INSL6: variants seen among roughly 807,000 people sequenced by gnomAD.
The protein encoded by INSL6 is insulin-like peptide INSL6.
Under a neutral mutation model 9.4 loss-of-function variants are expected in INSL6, and 16 were observed. That is an observed-to-expected ratio of 1.70 (90% CI 1.15 to 2.59). The LOEUF is 2.59. INSL6 is among the 30% of genes most tolerant of loss of function. INSL6 has a pLI of 0.00. For synonymous variants in INSL6, 154 were observed against 96.9 expected (o/e 1.59, Z -3.46); for missense variants, 391 against 257.3 (o/e 1.52, Z -3.56).
At chr9:5,054,743 C>T in the INSL6 span, 1 of 1,613,300 alleles carries the variant, frequency 6.2e-7, no homozygotes. The surrounding 1 kb of genome is among the most constrained non-coding windows in gnomAD (Gnocchi z 4.9). Flanking sequence ...AGTCTGCCTT[C>T]TACACAGAGA....
chr9:5,163,901 A>G lies in INSL6; in HGVS notation c.*12T>C. ...TTAAGCTTTTATTAGGTTAGAAAAA[A>G]TTCTAAGATGGTTAGTATATCTTAG... On this transcript the variant is annotated 3_prime_UTR_variant, in exon 2 of 2. Coordinates refer to ENST00000381641, the MANE Select transcript of INSL6 (RefSeq NM_007179.3). The G allele has an allele frequency of 2.0e-6, 3 of 1,531,348 alleles. No individual in the cohort carries two copies. The highest frequency in any genetic ancestry group is 4.5e-5 in the East Asian group (2 of 44,458). The allele number at this position is 1,531,348 out of a possible 1,614,324, so 94.9% of individuals were successfully genotyped here. A position where few individuals can be genotyped will look rare whatever the true frequency, so the allele number is the denominator to read the frequency against.
chr9:5,148,155 G>A (rs1200862052), intron 2 of INSL6, among the ~76,000 whole-genome samples: 1 of 152,140 alleles, frequency 6.6e-6, no homozygotes, highest in Admixed American at 6.5e-5. Context: ...TTTCTCATCT[G>A]GGAGAGCTGG....
the INSL6 span, among the ~76,000 whole-genome samples, chr9:5,063,112 G>T: frequency 6.6e-6 from 1 of 151,762 alleles, no homozygotes; most frequent in African/African-American, 2.4e-5. Context: ...TATAATTTTT[G>T]GTTGAGGACT....
the INSL6 span, among the ~76,000 whole-genome samples, chr9:5,083,933 G>T: frequency 6.6e-6 from 1 of 151,846 alleles, no homozygotes; most frequent in Admixed American, 6.6e-5. Flanking sequence ...TCTATATCTT[G>T]CTATTTTTCA....
intron 1 of INSL6, among the ~76,000 whole-genome samples, chr9:5,168,702 C>T (rs1368585821): frequency 6.6e-6 from 1 of 151,982 alleles, no homozygotes; most frequent in African/African-American, 2.4e-5. Context: ...GCAAGACAGG[C>T]CAAAATTCAA....
At position 5,137,519 on chromosome 9, in the gene INSL6, G is replaced by C. The variant is rs564445812; in HGVS notation, c.377-3927C>G. On this transcript the variant is annotated intron_variant, in intron 2 of 3. Transcript: ENST00000649639. ...AACCCTATTTAATATATGGTGGTGGGAAAATTGGCTAGCCATATGCAGAAA... is the reference window on the plus strand; with the variant it reads ...AACCCTATTTAATATATGGTGGTGGCAAAATTGGCTAGCCATATGCAGAAA... 5.3e-5 allele frequency among the ~76,000 whole-genome samples: 8 copies of C among 151,150 alleles called. No individual in the cohort carries two copies. In the South Asian group the frequency reaches 8.4e-4, roughly 16 times the overall value.
the INSL6 span, among the ~76,000 whole-genome samples, chr9:5,057,189 CATG>C: frequency 1.5e-4 from 23 of 151,882 alleles, no homozygotes; most frequent in Admixed American, 9.2e-4. Flanking sequence ...GAATTTTATT[CATG>C]ATATGTTATG....
At chr9:5,136,443 C>G (rs1824388059) in intron 2 of INSL6, among the ~76,000 whole-genome samples, 1 of 152,140 alleles carries the variant, frequency 6.6e-6, no homozygotes, top group Non-Finnish European at 1.5e-5. Flanking sequence ...GGCTTCATTC[C>G]TAGGATGCAA....
At chr9:5,121,644 A>T (rs1197221927), downstream of INSL6, among the ~76,000 whole-genome samples, 1 of 152,174 alleles carries the variant, frequency 6.6e-6, no homozygotes, top group Non-Finnish European at 1.5e-5. Context: ...AGAGGCTTTG[A>T]AGCAAGAGAT....
the INSL6 span, among the ~76,000 whole-genome samples, chr9:5,104,357 A>G: frequency 2.0e-5 from 3 of 152,222 alleles, no homozygotes; most frequent in Non-Finnish European, 4.4e-5. Context: ...TCCCAAGACT[A>G]AACCAGGAAG....
intron 2 of INSL6, among the ~76,000 whole-genome samples, chr9:5,147,324 G>A (rs1246619644): frequency 2.0e-5 from 3 of 152,132 alleles, no homozygotes; most frequent in South Asian, 2.1e-4. Flanking sequence ...CCTCTCCTTG[G>A]GTCGACTGCA....
At chr9:5,144,925 G>A (rs1207746369) in intron 2 of INSL6, among the ~76,000 whole-genome samples, 1 of 152,116 alleles carries the variant, frequency 6.6e-6, no homozygotes, top group East Asian at 1.9e-4. Context: ...TATCCAGCTT[G>A]CCACTCTGTG....
At chr9:5,098,246 A>G in the INSL6 span, 1 of 152,226 alleles carries the variant, frequency 6.6e-6, no homozygotes, top group Non-Finnish European at 1.5e-5. Context: ...TTTCAAGCCA[A>G]TCAAAAACCT....
At chr9:5,135,907 A>G (rs1408392366) in intron 2 of INSL6, among the ~76,000 whole-genome samples, 1 of 152,176 alleles carries the variant, frequency 6.6e-6, no homozygotes, top group East Asian at 1.9e-4. Flanking sequence ...AAGAGAGAAG[A>G]ATCAAATAGA....
At chr9:5,060,384 C>T in the INSL6 span, among the ~76,000 whole-genome samples, 1 of 152,150 alleles carries the variant, frequency 6.6e-6, no homozygotes, top group Non-Finnish European at 1.5e-5. Context: ...ATTTTACCCA[C>T]AGTAGAATTT....
At chr9:5,106,243 G>A in the INSL6 span, among the ~76,000 whole-genome samples, 36 of 152,184 alleles carry the variant, frequency 2.4e-4, no homozygotes, top group Non-Finnish European at 3.8e-4. Flanking sequence ...CAAAGGATAT[G>A]AACAGACACT....
the INSL6 span, among the ~76,000 whole-genome samples, chr9:5,036,462 C>T: frequency 1.3e-5 from 2 of 152,152 alleles, no homozygotes; most frequent in Non-Finnish European, 2.9e-5. Context: ...CATCACGCTA[C>T]CTGACTTCAA....
At chr9:5,082,888 A>G in the INSL6 span, among the ~76,000 whole-genome samples, 1 of 152,262 alleles carries the variant, frequency 6.6e-6, no homozygotes, top group African/African-American at 2.4e-5. Context: ...ACAGATTAAC[A>G]GCATCTCAGG....
chr9:5,049,770 A>G, the INSL6 span, among the ~76,000 whole-genome samples: 1 of 152,222 alleles, frequency 6.6e-6, no homozygotes. Context: ...TTGTACTTAT[A>G]CAAACCTATA....
Sources: gnomAD v4.1 joint callset for allele counts (sites outside exome capture counted in the v4.1 genomes callset) on GRCh38, gnomAD v4.1.1 for gene constraint, Gnocchi (gnomAD v3.1) non-coding constraint, MANE v1.5 for transcripts, NCBI Gene and HGNC (gene_info 2026-07-23, HGNC 2026-07-21) for gene names.